P4HA3: variants seen among roughly 807,000 people sequenced by gnomAD.
P4HA3 encodes the protein prolyl 4-hydroxylase subunit alpha 3.
Under a neutral mutation model 66.7 loss-of-function variants are expected in P4HA3, and 60 were observed. That is an observed-to-expected ratio of 0.90 (90% CI 0.73 to 1.12). The LOEUF is 1.12. Among genes scored for constraint, P4HA3 ranks in the 50% most tolerant of loss-of-function variants. The pLI, the probability that P4HA3 is intolerant of heterozygous loss-of-function variation, is 0.00. For missense variants in P4HA3, 683 were observed against 685.8 expected (o/e 1.00, Z 0.05); for synonymous variants, 263 against 274.6 (o/e 0.96, Z 0.42).
At position 74,311,637 on chromosome 11, in the gene P4HA3, A is replaced by G; in HGVS notation, c.-26T>C. 1.4e-6 allele frequency: 2 copies of G among 1,459,574 alleles called. No individual in the cohort carries two copies. Among genetic ancestry groups the G allele is most frequent in the South Asian group, 1.4e-5 (1 of 72,856 alleles). The allele number at this position is 1,459,574 out of a possible 1,614,324, so 90.4% of individuals were successfully genotyped here. A position where few individuals can be genotyped will look rare whatever the true frequency, so the allele number is the denominator to read the frequency against. Reference sequence around the variant, plus strand: ...AGCCAGCGCTCGCGAACTTCCCCTCAGACAGTCCTGGCCGCGCGGCGGCAG... The same window carrying G: ...AGCCAGCGCTCGCGAACTTCCCCTCGGACAGTCCTGGCCGCGCGGCGGCAG... On this transcript the variant is annotated 5_prime_UTR_variant, in exon 1 of 13. Coordinates refer to ENST00000331597, the MANE Select transcript of P4HA3 (RefSeq NM_182904.5).
Position 74,250,602 on chromosome 11 carries a change from A to G in P4HA3, c.*1319-2601T>C, listed in dbSNP as rs371507333. 7.1e-5 allele frequency: 14 copies of G among 196,440 alleles called. No individual in the cohort carries two copies. The East Asian group carries it at 1.5e-3, about 21-fold the overall frequency. The allele number at this position is 196,440 out of a possible 1,614,324, so 12.2% of individuals were successfully genotyped here. A position where few individuals can be genotyped will look rare whatever the true frequency, so the allele number is the denominator to read the frequency against. ...TTCTTATGCTCTTACAGCCCCATGT[A>G]GCCAGTTTTATCATAGGAATGACAT... On this transcript the variant is annotated intron_variant and NMD_transcript_variant, in intron 15 of 15. Transcript: ENST00000524388.
intron 3 of P4HA3, 76 bp from the exon 4 acceptor site, chr11:74,298,437 GA>G (rs1861297266): frequency 6.6e-7 from 1 of 1,514,828 alleles, no homozygotes; most frequent in Non-Finnish European, 8.9e-7. Flanking sequence ...CAAAGAATAA[GA>G]GGGACTTTGG....
At chr11:74,269,524 G>A in intron 11 of P4HA3, 128 bp downstream of exon 11, 1 of 874,050 alleles carries the variant, frequency 1.1e-6, no homozygotes, top group Non-Finnish European at 1.7e-6. Context: ...TGTGATTCTG[G>A]GAATTGGGGA....
intron 14 of P4HA3, among the ~76,000 whole-genome samples, chr11:74,260,974 C>T (rs536157834): frequency 5.6e-4 from 85 of 152,316 alleles, no homozygotes; most frequent in African/African-American, 1.9e-3. Flanking sequence ...CCATGGCCAG[C>T]GATGCCCCCT....
downstream of P4HA3, among the ~76,000 whole-genome samples, chr11:74,263,729 G>T (rs559691370): frequency 6.6e-6 from 1 of 152,246 alleles, no homozygotes; most frequent in East Asian, 1.9e-4. Flanking sequence ...TTAATGTAAA[G>T]AATATTATCT....
intron 14 of P4HA3, among the ~76,000 whole-genome samples, chr11:74,261,319 A>G (rs1431808914): frequency 1.3e-5 from 2 of 152,162 alleles, no homozygotes; most frequent in African/African-American, 2.4e-5. Context: ...AAAAAAGGTT[A>G]AAGCAAAGAC....
At chr11:74,269,565 G>C in intron 11 of P4HA3, 87 bp downstream of exon 11, 18 of 1,374,346 alleles carry the variant, frequency 1.3e-5, no homozygotes, top group Non-Finnish European at 1.8e-5. Flanking sequence ...TCCCAGGAAT[G>C]GGCTTGCAAG....
At chr11:74,298,891 G>C (rs11823967) in intron 3 of P4HA3, among the ~76,000 whole-genome samples, 3,291 of 152,352 alleles carry the variant, frequency 0.022, 106 homozygotes, top group African/African-American at 0.073. Flanking sequence ...AAGTAAACTT[G>C]AAACAGCAGC....
At chr11:74,296,934 C>CTTTTTTTT (rs540922878) in intron 4 of P4HA3, among the ~76,000 whole-genome samples, 45 of 123,886 alleles carry the variant, frequency 3.6e-4, no homozygotes, top group Non-Finnish European at 3.5e-4. Flanking sequence ...TTCTTTTTTT[C>CTTTTTTTT]TTTTTTTTTT....
chr11:74,298,096 G>T, intron 4 of P4HA3, 116 bp downstream of exon 4: 2 of 1,268,288 alleles, frequency 1.6e-6, no homozygotes, highest in Non-Finnish European at 2.1e-6. Flanking sequence ...GGCTCAGTTT[G>T]GTCCTATTGG....
chr11:74,280,411 C>T (rs538710665), intron 7 of P4HA3, among the ~76,000 whole-genome samples: 7 of 152,268 alleles, frequency 4.6e-5, no homozygotes, highest in East Asian at 3.9e-4. Flanking sequence ...CCTCCCACCT[C>T]GGCCTCCCAA....
At chr11:74,309,653 G>T (rs1430189991) in intron 1 of P4HA3, among the ~76,000 whole-genome samples, 1 of 152,096 alleles carries the variant, frequency 6.6e-6, no homozygotes, top group Non-Finnish European at 1.5e-5. Context: ...AAAACATTTG[G>T]CTCGGTCAAC....
In P4HA3 at chr11:74,253,755, C is replaced by T. The variant is rs918440033; in HGVS notation, c.*1319-5754G>A. Reference sequence around the variant, plus strand: ...CCCCTGCTCCTTTCCCTTCCCTGTACTGGGGTAGCTCCTGCCTGCTCTCCC... The same window carrying T: ...CCCCTGCTCCTTTCCCTTCCCTGTATTGGGGTAGCTCCTGCCTGCTCTCCC... On this transcript the variant is annotated intron_variant and NMD_transcript_variant, in intron 15 of 15. Coordinates refer to the P4HA3 transcript ENST00000524388. The T allele has an allele frequency of 1.9e-5, 11 of 588,936 alleles. No individual in the cohort carries two copies. The Admixed American group carries it at 2.4e-4, about 13-fold the overall frequency. The allele number at this position is 588,936 out of a possible 1,614,324, so 36.5% of individuals were successfully genotyped here.
chr11:74,277,266 G>C, intron 8 of P4HA3, 122 bp from the exon 9 acceptor site: 1 of 1,274,806 alleles, frequency 7.8e-7, no homozygotes, highest in Non-Finnish European at 1.1e-6. Flanking sequence ...ATGGAAGGAA[G>C]GAGGAAAGAG....
At chr11:74,303,585 CT>C (rs574985023) in intron 2 of P4HA3, among the ~76,000 whole-genome samples, 117 of 143,964 alleles carry the variant, frequency 8.1e-4, no homozygotes, top group Middle Eastern at 3.8e-3. Flanking sequence ...AAAGTCAACA[CT>C]TTTTTTTTTT....
chr11:74,267,228 A>G lies in P4HA3; in HGVS notation c.*20T>C, dbSNP rs1860018128. 6.2e-7 allele frequency: 1 copy of G among 1,613,972 alleles called. No individual in the cohort carries two copies. Among genetic ancestry groups the G allele is most frequent in the Admixed American group, 1.7e-5 (1 of 59,998 alleles). ...CTCTGGAAAGCCACAGGACTCCACCAGCTTCTCTCTGCCAACAGTTCAGTC... is the reference window on the plus strand; with the variant it reads ...CTCTGGAAAGCCACAGGACTCCACCGGCTTCTCTCTGCCAACAGTTCAGTC... On this transcript the variant is annotated 3_prime_UTR_variant, in exon 13 of 13. Transcript: ENST00000331597.
chr11:74,253,606 C>T, intron 15 of P4HA3: 1 of 1,390,634 alleles, frequency 7.2e-7, no homozygotes, highest in Non-Finnish European at 1.0e-6. Flanking sequence ...CCATCCCGCC[C>T]AGCCATGTGA....
chr11:74,308,713 T>C (rs190221369), intron 1 of P4HA3, among the ~76,000 whole-genome samples: 104 of 152,318 alleles, frequency 6.8e-4, no homozygotes, highest in Non-Finnish European at 1.4e-3. Context: ...ACAATCCTAG[T>C]TAATACTTAG....
intron 5 of P4HA3, chr11:74,287,340 A>T (rs999895645): frequency 1.0e-5 from 13 of 1,284,166 alleles, no homozygotes; most frequent in Non-Finnish European, 1.3e-5. Flanking sequence ...CTGTTTTAAC[A>T]AGAGAAGAAG....
Sources: allele counts gnomAD v4.1 joint callset (sites outside exome capture counted in the v4.1 genomes callset), GRCh38; gene constraint gnomAD v4.1.1; transcripts MANE v1.5; gene names NCBI Gene and HGNC (gene_info 2026-07-23, HGNC 2026-07-21).